The following RBMS3 variants were observed in gnomAD, a reference collection of about 807,000 sequenced individuals.
RBMS3 encodes RNA binding motif single stranded interacting protein 3.
RBMS3 carries 27 observed loss-of-function variants against 66.8 expected under a neutral mutation model. The ratio of observed to expected loss-of-function variants is 0.40; its 90% CI spans 0.30 to 0.56. The LOEUF is 0.56. Ranked by LOEUF, RBMS3 falls within the 20% of genes least tolerant of loss-of-function variation. The probability of loss-of-function intolerance (pLI) is 0.40; values close to 1 mark genes in which losing one functional copy is unlikely to be tolerated. For synonymous variants in RBMS3, 188 were observed against 183.0 expected, an observed-to-expected ratio of 1.03 and a Z score of -0.22; for missense variants, 513 against 549.5, an observed-to-expected ratio of 0.93 and a Z score of 0.66.
chr3:29,702,247 T>G lies in RBMS3; in HGVS notation c.400-37473T>G, dbSNP rs1372584650. Among the ~76,000 whole-genome samples, 4 of 151,886 alleles carry G rather than the reference T, an allele frequency of 2.6e-5. No individual in the cohort carries two copies. The East Asian group carries it at 7.8e-4, about 30-fold the overall frequency. ...TCAGCACCCTGTGTCTAGCTCAAGG[T>G]TTGTAAATGCACCAATCAGTGCTCT... On this transcript the variant is annotated intron_variant, in intron 4 of 14. Transcript: ENST00000383767.
intron 12 of RBMS3, among the ~76,000 whole-genome samples, chr3:29,985,384 T>G (rs1210667541): frequency 6.6e-6 from 1 of 151,094 alleles, no homozygotes; most frequent in Non-Finnish European, 1.5e-5. Flanking sequence ...TCACTGGCAT[T>G]CCAGGTGCCA....
intron 5 of RBMS3, among the ~76,000 whole-genome samples, chr3:29,746,883 G>A (rs879843345): frequency 5.9e-5 from 9 of 152,114 alleles, no homozygotes; most frequent in Admixed American, 2.0e-4. Flanking sequence ...GACCACATAC[G>A]AAATAATGCC....
intron 4 of RBMS3, among the ~76,000 whole-genome samples, chr3:29,693,736 G>C (rs781387173): frequency 1.2e-4 from 19 of 152,112 alleles, no homozygotes; most frequent in Non-Finnish European, 2.6e-4. Context: ...GAACTAGGTT[G>C]AGACCGAAGC....
chr3:29,298,821 G>T lies in RBMS3; in HGVS notation c.75+17065G>T, dbSNP rs1171858068. The stretch of plus-strand genomic sequence containing the variant: ...GTATCTACTCATTATGTATCCTATA[G>T]TTACTAATATTTGAGTTTGGTACTT... On this transcript the variant is annotated intron_variant, in intron 1 of 14. Transcript: ENST00000383767. Among the ~76,000 whole-genome samples the T allele has an allele frequency of 6.6e-5, 10 of 151,986 alleles. No individual in the cohort carries two copies. In the East Asian group the frequency reaches 1.8e-3, roughly 27 times the overall value.
rs2031788562 is a variant in RBMS3 at position 29,281,621 on chromosome 3, G to T, written c.-61G>T. ...GGAATAGTGGTTTAAGAGGAAGCTC[G>T]GCCTGGGGCACTATACCCTGTCATC... is the stretch of plus-strand genomic sequence containing the variant. On this transcript the variant is annotated 5_prime_UTR_variant, in exon 1 of 15. Transcript: ENST00000383767. 10 of 1,407,280 alleles carry T rather than the reference G, an allele frequency of 7.1e-6. No individual in the cohort carries two copies. The highest frequency in any genetic ancestry group is 3.4e-5 in the Admixed American group (2 of 59,080). 87.2% of individuals were successfully genotyped at this position (1,407,280 alleles called of 1,614,324 possible). A position where few individuals can be genotyped will look rare whatever the true frequency, so the allele number is the denominator to read the frequency against.
At chr3:29,797,334 T>A (rs138660867) in intron 6 of RBMS3, among the ~76,000 whole-genome samples, 1 of 152,168 alleles carries the variant, frequency 6.6e-6, no homozygotes, top group Non-Finnish European at 1.5e-5. Context: ...GCTTCCAACT[T>A]TTTTTCTGCA....
chr3:29,343,051 T>C (rs923290066), intron 1 of RBMS3, among the ~76,000 whole-genome samples: 4 of 152,154 alleles, frequency 2.6e-5, no homozygotes, highest in African/African-American at 9.7e-5. Flanking sequence ...AGTAGGATAC[T>C]TTTGAAATGG....
intron 1 of RBMS3, among the ~76,000 whole-genome samples, chr3:29,306,891 C>T (rs1488836642): frequency 6.6e-6 from 1 of 151,896 alleles, no homozygotes; most frequent in Non-Finnish European, 1.5e-5. Flanking sequence ...TTAAAATTAA[C>T]CTTTTTCCTC....
intron 3 of RBMS3, among the ~76,000 whole-genome samples, chr3:29,563,921 G>T (rs534167477): frequency 6.6e-5 from 10 of 151,620 alleles, no homozygotes; most frequent in African/African-American, 2.4e-4. Context: ...GGAGGTTGAG[G>T]TGAGAGCATC....
intron 1 of RBMS3, among the ~76,000 whole-genome samples, chr3:29,364,394 T>A (rs58729470): frequency 0.039 from 5,968 of 152,220 alleles, 309 homozygotes; most frequent in African/African-American, 0.12. Context: ...TTTTATAACT[T>A]AGCAGAGCTT....
chr3:29,495,365 G>A (rs2043703174), intron 3 of RBMS3, among the ~76,000 whole-genome samples: 1 of 142,000 alleles, frequency 7.0e-6, no homozygotes, highest in Non-Finnish European at 1.5e-5. Context: ...TACTTTTCTT[G>A]TTTATGCACT....
chr3:29,463,083 G>A (rs2042421901), intron 2 of RBMS3, among the ~76,000 whole-genome samples: 1 of 152,208 alleles, frequency 6.6e-6, no homozygotes, highest in African/African-American at 2.4e-5. Context: ...AAAGAGATCT[G>A]ATTTAAGCTG....
chr3:29,287,680 T>C lies in RBMS3; in HGVS notation c.75+5924T>C, dbSNP rs554169033. On this transcript the variant is annotated intron_variant, in intron 1 of 14. Transcript: ENST00000383767. Reference sequence around the variant, plus strand: ...AATGAGGTGATTTAATACAGTGTTTTTGAAATAATATTTGTTAATAAAAAT... The same window carrying C: ...AATGAGGTGATTTAATACAGTGTTTCTGAAATAATATTTGTTAATAAAAAT... Among the ~76,000 whole-genome samples, 233 of 152,174 alleles carry C rather than the reference T, an allele frequency of 1.5e-3. 1 individual carries two copies. In the Middle Eastern group the frequency reaches 0.024, roughly 16 times the overall value.
chr3:29,367,814 C>T (rs1003125369), intron 1 of RBMS3, among the ~76,000 whole-genome samples: 2 of 152,036 alleles, frequency 1.3e-5, no homozygotes, highest in African/African-American at 2.4e-5. Flanking sequence ...GACAGTAATG[C>T]ACTTTCTCTA....
intron 6 of RBMS3, among the ~76,000 whole-genome samples, chr3:29,768,535 G>A (rs2056034090): frequency 6.6e-6 from 1 of 151,814 alleles, no homozygotes. Context: ...TGTGATTTCG[G>A]CTGCATATGA....
At chr3:29,458,788 TTTGCAAGTTACTTATGCC>T in intron 2 of RBMS3, among the ~76,000 whole-genome samples, 1 of 152,316 alleles carries the variant, frequency 6.6e-6, no homozygotes, top group Non-Finnish European at 1.5e-5. Flanking sequence ...ATACATTGAA[TTTGCAAGTTACTTATGCC>T]TTTGTTGAGT....
intron 14 of RBMS3, among the ~76,000 whole-genome samples, chr3:29,992,410 C>T (rs964816878): frequency 2.6e-5 from 4 of 152,042 alleles, no homozygotes; most frequent in Non-Finnish European, 5.9e-5. Context: ...CACGGTGAAA[C>T]CCCGTCTCTA....
At chr3:29,305,919 T>A (rs2033977676) in intron 1 of RBMS3, among the ~76,000 whole-genome samples, 1 of 151,966 alleles carries the variant, frequency 6.6e-6, no homozygotes, top group South Asian at 2.1e-4. Context: ...AGAGTTTGGG[T>A]CCCACTGACT....
intron 1 of RBMS3, among the ~76,000 whole-genome samples, chr3:29,336,211 A>T (rs1287174040): frequency 6.6e-6 from 1 of 152,180 alleles, no homozygotes; most frequent in South Asian, 2.1e-4. Context: ...GCACAGTTTG[A>T]AACAGGCTTT....
Sources: allele counts gnomAD v4.1 joint callset (sites outside exome capture counted in the v4.1 genomes callset), GRCh38; gene constraint gnomAD v4.1.1; transcripts MANE v1.5; gene names NCBI Gene and HGNC (gene_info 2026-07-23, HGNC 2026-07-21).